Variants in SIPA1L3 observed in about 807,000 individuals in gnomAD.
SIPA1L3 encodes the protein signal induced proliferation associated 1 like 3.
Under a neutral mutation model 150.1 loss-of-function variants are expected in SIPA1L3, and 59 were observed. The observed-to-expected ratio is 0.39, with a 90% CI of 0.32 to 0.49. The LOEUF (loss-of-function observed/expected upper bound fraction) is 0.49. Among genes scored for constraint, SIPA1L3 ranks in the 20% least tolerant of loss-of-function variants. The pLI, the probability that SIPA1L3 is intolerant of heterozygous loss-of-function variation, is 0.86. For synonymous variants in SIPA1L3, 1,070 were observed against 1,077.6 expected, an observed-to-expected ratio of 0.99 and a Z score of 0.14; for missense variants, 2,211 against 2,489.5, an observed-to-expected ratio of 0.89 and a Z score of 2.38.
At chr19:38,183,491 C>T (rs1257689598) in intron 16 of SIPA1L3, among the ~76,000 whole-genome samples, 1 of 152,040 alleles carries the variant, frequency 6.6e-6, no homozygotes, top group East Asian at 1.9e-4. Context: ...GTCTTGAAGC[C>T]CGGAGGACAG....
chr19:38,044,512 G>C lies in SIPA1L3; in HGVS notation c.-311+15356G>C, dbSNP rs141530184. The stretch of plus-strand genomic sequence containing the variant: ...CTGCAGTGAGGCAGGAGGTTGATGA[G>C]GGCCCGAGGTGATTGCTAGATGGGA... On this transcript the variant is annotated intron_variant, in intron 2 of 21. Coordinates refer to ENST00000222345, the MANE Select transcript of SIPA1L3 (RefSeq NM_015073.3). Among the ~76,000 whole-genome samples, 72 of 152,250 alleles carry C rather than the reference G, an allele frequency of 4.7e-4. 1 individual carries two copies. The East Asian group carries it at 0.011, about 22-fold the overall frequency.
At chr19:38,093,569 C>A (rs1016471672) in intron 4 of SIPA1L3, among the ~76,000 whole-genome samples, 3 of 152,170 alleles carry the variant, frequency 2.0e-5, no homozygotes, top group African/African-American at 7.2e-5. Flanking sequence ...GAGGTCAGAG[C>A]CCCATGCTGG....
intron 1 of SIPA1L3, among the ~76,000 whole-genome samples, chr19:37,965,266 T>C (rs1357252890): frequency 6.6e-6 from 1 of 152,070 alleles, no homozygotes; most frequent in East Asian, 1.9e-4. Flanking sequence ...AAAAGAAATA[T>C]GTTTGCTTCC....
At chr19:37,955,051 C>T (rs2046797412) in intron 1 of SIPA1L3, among the ~76,000 whole-genome samples, 1 of 144,780 alleles carries the variant, frequency 6.9e-6, no homozygotes, top group Non-Finnish European at 1.5e-5. Flanking sequence ...CACACCACTG[C>T]ACTCCAGCCT....
chr19:38,133,583 C>T (rs907181852), intron 10 of SIPA1L3, among the ~76,000 whole-genome samples: 1 of 152,112 alleles, frequency 6.6e-6, no homozygotes, highest in Non-Finnish European at 1.5e-5. Context: ...AGTGAGGCCC[C>T]AATGGGTCAG....
intron 1 of SIPA1L3, among the ~76,000 whole-genome samples, chr19:37,984,224 C>G (rs561935033): frequency 2.0e-4 from 30 of 152,188 alleles, no homozygotes; most frequent in Non-Finnish European, 4.3e-4. Context: ...GCAAGTAACA[C>G]CAAGCACAGT....
chr19:38,046,984 C>T lies in SIPA1L3; in HGVS notation c.-311+17828C>T, dbSNP rs543620750. 2.0e-5 allele frequency among the ~76,000 whole-genome samples: 3 copies of T among 152,276 alleles called. No individual in the cohort carries two copies. The highest frequency in any genetic ancestry group is 4.8e-5 in the African/African-American group (2 of 41,536). The stretch of plus-strand genomic sequence containing the variant: ...CCAGAGACCCTTAAGTGGATGGGCT[C>T]CCCAGCCAGGCGTGGTCCCCACTGC... On this transcript the variant is annotated intron_variant, in intron 2 of 21. Transcript: ENST00000222345. This position sits in a 1 kb window ranked among gnomAD's most constrained non-coding sequence, Gnocchi z 5.6.
At chr19:38,169,002 G>A (rs767156827) in intron 15 of SIPA1L3, among the ~76,000 whole-genome samples, 33 of 152,136 alleles carry the variant, frequency 2.2e-4, no homozygotes, top group Non-Finnish European at 4.3e-4. Flanking sequence ...TTGCTTTCAT[G>A]AGTATTAGGA....
chr19:37,997,568 TAA>T (rs71177495), intron 1 of SIPA1L3, among the ~76,000 whole-genome samples: 2 of 83,876 alleles, frequency 2.4e-5, no homozygotes, highest in Admixed American at 1.6e-4. Flanking sequence ...ACTGTCTCAT[TAA>T]AAAAAAAAAA....
At chr19:37,987,621 AGTTG>A (rs1327613441) in intron 1 of SIPA1L3, among the ~76,000 whole-genome samples, 1 of 152,142 alleles carries the variant, frequency 6.6e-6, no homozygotes, top group Admixed American at 6.6e-5. Flanking sequence ...TGTTGTCCCT[AGTTG>A]GTTACCAGCG....
At chr19:38,091,085 A>G (rs1446663750) in intron 4 of SIPA1L3, among the ~76,000 whole-genome samples, 1 of 152,192 alleles carries the variant, frequency 6.6e-6, no homozygotes, top group African/African-American at 2.4e-5. Flanking sequence ...TGACGCCTAC[A>G]GTCATATACT....
chr19:37,952,228 C>A (rs2046770699), intron 1 of SIPA1L3, among the ~76,000 whole-genome samples: 1 of 152,260 alleles, frequency 6.6e-6, no homozygotes, highest in Non-Finnish European at 1.5e-5. Flanking sequence ...CAGACAAATT[C>A]TTTGGGTAAC....
intron 2 of SIPA1L3, among the ~76,000 whole-genome samples, chr19:38,072,742 G>T (rs729625): frequency 0.18 from 27,515 of 152,262 alleles, 2,851 homozygotes; most frequent in African/African-American, 0.29. Flanking sequence ...AAGGGAAGTC[G>T]GGACTGTTGG....
At chr19:38,045,576 A>G (rs1193213284) in intron 2 of SIPA1L3, among the ~76,000 whole-genome samples, 1 of 152,034 alleles carries the variant, frequency 6.6e-6, no homozygotes, top group Non-Finnish European at 1.5e-5. Context: ...TGTCTCAGGA[A>G]AAAAAGAAAG....
At chr19:38,140,287 C>A (rs1971544954) in intron 10 of SIPA1L3, among the ~76,000 whole-genome samples, 1 of 152,216 alleles carries the variant, frequency 6.6e-6, no homozygotes, top group Admixed American at 6.5e-5. Context: ...GCCAGCCCAG[C>A]CGGCGGATCT....
intron 2 of SIPA1L3, among the ~76,000 whole-genome samples, chr19:38,053,943 T>G (rs528161982): frequency 1.1e-3 from 158 of 149,840 alleles, no homozygotes; most frequent in Admixed American, 2.0e-3. Flanking sequence ...AAAACCGCAA[T>G]TACTTTTGCA....
intron 1 of SIPA1L3, among the ~76,000 whole-genome samples, chr19:37,987,589 C>T (rs1226893774): frequency 6.6e-6 from 1 of 152,202 alleles, no homozygotes; most frequent in Non-Finnish European, 1.5e-5. Context: ...TCCAAATGTC[C>T]CCTGGAATAG....
intron 1 of SIPA1L3, among the ~76,000 whole-genome samples, chr19:38,003,824 G>T (rs1231759527): frequency 2.6e-5 from 4 of 152,156 alleles, no homozygotes; most frequent in Admixed American, 6.5e-5. Flanking sequence ...GTAGAGAAAT[G>T]AGCTCATGAG....
intron 12 of SIPA1L3, among the ~76,000 whole-genome samples, chr19:38,149,837 G>A (rs1971779732): frequency 6.6e-6 from 1 of 152,190 alleles, no homozygotes; most frequent in South Asian, 2.1e-4. Flanking sequence ...AGATACAGTT[G>A]GGATTCTGTT....
Sources: gnomAD v4.1 joint callset for allele counts (sites outside exome capture counted in the v4.1 genomes callset) on GRCh38, gnomAD v4.1.1 for gene constraint, Gnocchi (gnomAD v3.1) non-coding constraint, MANE v1.5 for transcripts, NCBI Gene and HGNC (gene_info 2026-07-23, HGNC 2026-07-21) for gene names.